Variants in KLHL8 observed in about 807,000 individuals in gnomAD.
KLHL8 encodes kelch like family member 8.
A neutral mutation model predicts 63.5 loss-of-function variants in KLHL8; 38 were observed. The observed-to-expected ratio is 0.60, with a 90% CI of 0.46 to 0.78. The LOEUF (loss-of-function observed/expected upper bound fraction) is 0.78, where lower values mean the gene tolerates loss of function less well. Ranked by LOEUF, KLHL8 falls within the 30% of genes least tolerant of loss-of-function variation. The pLI is 0.00. For synonymous variants in KLHL8, 224 were observed against 254.3 expected (o/e 0.88, Z 1.13); for missense variants, 566 against 752.4 (o/e 0.75, Z 2.90).
intron 1 of KLHL8, among the ~76,000 whole-genome samples, chr4:87,234,692 T>C (rs1027328721): frequency 6.6e-6 from 1 of 152,308 alleles, no homozygotes; most frequent in Non-Finnish European, 1.5e-5. Context: ...TAGAGTATAC[T>C]CCTACTTATT....
intron 1 of KLHL8, among the ~76,000 whole-genome samples, chr4:87,235,961 A>T (rs945567444): frequency 2.0e-5 from 3 of 152,114 alleles, no homozygotes; most frequent in Non-Finnish European, 4.4e-5. Flanking sequence ...AAATGCTTGG[A>T]GCGCCCTCTG....
chr4:87,206,422 T>G (rs1454391540), intron 1 of KLHL8, among the ~76,000 whole-genome samples: 2 of 152,336 alleles, frequency 1.3e-5, no homozygotes, highest in East Asian at 3.9e-4. Flanking sequence ...AGTCTTTTTC[T>G]CCATTCATTT....
chr4:87,238,554 G>A (rs1013189466), intron 1 of KLHL8, among the ~76,000 whole-genome samples: 3 of 152,220 alleles, frequency 2.0e-5, no homozygotes, highest in Admixed American at 2.0e-4. Flanking sequence ...TTTTAATAAT[G>A]TAGTTATTGG....
In KLHL8 at chr4:87,185,799, C is replaced by A. The variant is rs1731231513; in HGVS notation, c.217G>T (p.Val73Phe). 6.3e-7 allele frequency: 1 copy of A among 1,589,738 alleles called. No individual in the cohort carries two copies. The highest frequency in any genetic ancestry group is 8.6e-7 in the Non-Finnish European group (1 of 1,168,516). Residue 73 changes from valine to phenylalanine, a missense_variant and splice_region_variant, in exon 3 of 10, where the codon GTT becomes TTT. Physicochemically the swap from Val to Phe is conservative, Grantham distance 50. Transcript: ENST00000273963. ...NGELCDVTLK[V>F]GSKLISCHKL... The stretch of plus-strand genomic sequence containing the variant: ...TGACAAGAGATTAGCTTTGAGCCAA[C>A]CTGTTCAAAAGAAACCAAGAAAGAT...
chr4:87,174,872 T>C (rs984181420), intron 6 of KLHL8, among the ~76,000 whole-genome samples: 13 of 152,242 alleles, frequency 8.5e-5, no homozygotes, highest in Non-Finnish European at 1.2e-4. Flanking sequence ...GTATGCTTCA[T>C]TGCTACTATA....
intron 2 of KLHL8, among the ~76,000 whole-genome samples, chr4:87,193,323 T>A (rs1731566203): frequency 6.6e-6 from 1 of 152,184 alleles, no homozygotes; most frequent in Non-Finnish European, 1.5e-5. Flanking sequence ...CCTGCATCTA[T>A]ATCAAGTCAG....
In KLHL8 at chr4:87,160,693, G is replaced by A. The variant is rs533069567; in HGVS notation, c.*2826C>T. On this transcript the variant is annotated 3_prime_UTR_variant, in exon 10 of 10. Transcript: ENST00000273963. ...GTTTTTAAAGTGGCAACGCAATATA[G>A]TAAAGCAATGGCTTTAATGACTAAA... is the stretch of plus-strand genomic sequence containing the variant. 1.3e-5 allele frequency: 2 copies of A among 152,310 alleles called. No homozygotes were observed. The highest frequency in any genetic ancestry group is 3.9e-4 in the East Asian group (2 of 5,188). 9.4% of individuals were successfully genotyped at this position (152,310 alleles called of 1,614,324 possible). A position where few individuals can be genotyped will look rare whatever the true frequency, so the allele number is the denominator to read the frequency against.
chr4:87,226,939 A>AT lies in KLHL8; in HGVS notation n.58-5550_58-5549insA, dbSNP rs1560723922. Among the ~76,000 whole-genome samples, 25 of 46,936 alleles carry AT rather than the reference A, an allele frequency of 5.3e-4. 1 individual carries two copies. The Admixed American group carries it at 7.1e-3, about 13-fold the overall frequency. 30.8% of individuals were successfully genotyped at this position (46,936 alleles called of 152,430 possible). ...AATAATATATATATTATATATAAAT[A>AT]ATATATATTATATATAAGTAATATA... is the stretch of plus-strand genomic sequence containing the variant. On this transcript the variant is annotated intron_variant and non_coding_transcript_variant, in intron 1 of 1. Coordinates refer to the KLHL8 transcript ENST00000506274.
intron 8 of KLHL8, among the ~76,000 whole-genome samples, chr4:87,168,832 CT>C (rs1476299209): frequency 3.4e-5 from 5 of 147,474 alleles, no homozygotes; most frequent in African/African-American, 1.2e-4. Context: ...ATATATCCTT[CT>C]TTTTTAAGAC....
At chr4:87,181,292 A>C (rs1486541981) in intron 4 of KLHL8, among the ~76,000 whole-genome samples, 1 of 151,854 alleles carries the variant, frequency 6.6e-6, no homozygotes, top group Non-Finnish European at 1.5e-5. Flanking sequence ...AAGAAAAAAA[A>C]AAAATTTGCC....
chr4:87,206,988 T>C (rs1220215123), intron 1 of KLHL8: 3 of 303,458 alleles, frequency 9.9e-6, no homozygotes, highest in Non-Finnish European at 1.9e-5. Flanking sequence ...GGTTGGGTTT[T>C]TTCCCCCAAT....
At chr4:87,170,650 G>C in intron 6 of KLHL8, 35 bp from the exon 7 acceptor site, 1 of 1,565,180 alleles carries the variant, frequency 6.4e-7, no homozygotes. Flanking sequence ...TAGCAAATGA[G>C]TTTGTTTCCA....
intron 3 of KLHL8, 93 bp from the exon 4 acceptor site, chr4:87,183,482 G>T: frequency 1.0e-6 from 1 of 972,648 alleles, no homozygotes; most frequent in Non-Finnish European, 1.5e-6. Context: ...GTGAAAACAA[G>T]ATGAGTAATT....
intron 8 of KLHL8, chr4:87,167,245 T>C (rs1730438990): frequency 2.0e-6 from 1 of 501,676 alleles, no homozygotes; most frequent in Non-Finnish European, 3.8e-6. Flanking sequence ...GATGTGAAGG[T>C]TGTCATCCCA....
rs1312567360 is a variant in KLHL8 at position 87,185,624 on chromosome 4, G to T, written c.392C>A (p.Thr131Asn). ...LVKFVYSSRL[T>N]LTVDNVQPLL... The stretch of plus-strand genomic sequence containing the variant: ...AGGCTGGACATTGTCAACAGTCAAA[G>T]TGAGCCGTGAAGAATAGACAAACTT... The change falls in exon 3 of 10, where the codon ACT becomes AAT. Residue 131 changes from threonine to asparagine, a missense_variant. Thr to Asn is a moderately conservative substitution (Grantham distance 65). Transcript: ENST00000273963. The T allele has an allele frequency of 1.2e-6, 2 of 1,614,232 alleles. No individual in the cohort carries two copies. Among genetic ancestry groups the T allele is most frequent in the Non-Finnish European group, 1.7e-6 (2 of 1,180,036 alleles).
chr4:87,236,729 ATCTCAGCTCAC>A (rs1321466331), intron 1 of KLHL8, among the ~76,000 whole-genome samples: 1 of 146,110 alleles, frequency 6.8e-6, no homozygotes, highest in Non-Finnish European at 1.5e-5. Context: ...CAGTGACACA[ATCTCAGCTCAC>A]TGCAAACTCT....
intron 1 of KLHL8, chr4:87,207,699 C>T (rs1473156815): frequency 2.2e-6 from 2 of 929,052 alleles, no homozygotes; most frequent in East Asian, 2.4e-5. Flanking sequence ...CTCTCCAGAA[C>T]ATCATCCCTG....
At chr4:87,222,375 C>T (rs958736019), upstream of KLHL8, among the ~76,000 whole-genome samples, 3 of 152,088 alleles carry the variant, frequency 2.0e-5, no homozygotes, top group African/African-American at 7.2e-5. Flanking sequence ...AGTATATAAA[C>T]GTCTCTACCC....
intron 1 of KLHL8, among the ~76,000 whole-genome samples, chr4:87,236,876 C>T (rs929198078): frequency 1.6e-4 from 24 of 152,122 alleles, no homozygotes; most frequent in African/African-American, 5.3e-4. Flanking sequence ...GTTGGTCAGG[C>T]TGGTCTCGAA....
Sources: allele counts gnomAD v4.1 joint callset (sites outside exome capture counted in the v4.1 genomes callset), GRCh38; gene constraint gnomAD v4.1.1; transcripts MANE v1.5; gene names NCBI Gene and HGNC (gene_info 2026-07-23, HGNC 2026-07-21).